MTA3: variants seen among roughly 807,000 people sequenced by gnomAD.
MTA3 encodes the protein metastasis associated 1 family member 3, also known as metastasis-associated protein MTA3.
In MTA3, 34 loss-of-function variants were observed where a neutral mutation model predicts 83.5. That is an observed-to-expected ratio of 0.41 (90% CI 0.31 to 0.54). MTA3 has a LOEUF of 0.54. Ranked by LOEUF, MTA3 falls within the 20% of genes least tolerant of loss-of-function variation. The pLI is 0.33. For missense variants in MTA3, 761 were observed against 726.4 expected, an observed-to-expected ratio of 1.05 and a Z score of -0.55; for synonymous variants, 303 against 252.7, an observed-to-expected ratio of 1.20 and a Z score of -1.89.
intron 4 of MTA3, chr2:42,613,826 A>G (rs1330194220): frequency 6.6e-6 from 1 of 152,148 alleles, no homozygotes; most frequent in African/African-American, 2.4e-5. Context: ...AGGACCCAGG[A>G]CTTTTCGGAG....
intron 2 of MTA3, among the ~76,000 whole-genome samples, chr2:42,501,229 G>A (rs1674381694): frequency 6.6e-6 from 1 of 152,300 alleles, no homozygotes; most frequent in East Asian, 1.9e-4. Flanking sequence ...GAAACTAACA[G>A]AAGGTAAGTG....
chr2:42,696,057 G>C (rs1441553700), intron 10 of MTA3, among the ~76,000 whole-genome samples: 1 of 152,056 alleles, frequency 6.6e-6, no homozygotes, highest in African/African-American at 2.4e-5. Flanking sequence ...ATTTTGGAGA[G>C]ATACCACTAG....
intron 2 of MTA3, among the ~76,000 whole-genome samples, chr2:42,501,744 G>A (rs1258872522): frequency 6.6e-6 from 1 of 152,128 alleles, no homozygotes; most frequent in Admixed American, 6.5e-5. Flanking sequence ...TTGGGAGGCC[G>A]AGGCGTGTGG....
In MTA3 at chr2:42,695,843, A is replaced by AT; in HGVS notation, c.966+11dup. ...TACTGACAGATATGTGCAACAGGTA[A>AT]TTTTTTTCATATTGCTACCAATATG... On this transcript the variant is annotated splice_donor_region_variant and intron_variant, in intron 10 of 16. Coordinates refer to ENST00000405094, the MANE Select transcript of MTA3 (RefSeq NM_001330442.2). 1.9e-6 allele frequency: 3 copies of AT among 1,545,120 alleles called. No individual in the cohort carries two copies. The highest frequency in any genetic ancestry group is 2.6e-6 in the Non-Finnish European group (3 of 1,136,264).
chr2:42,656,948 A>G (rs976620146), intron 7 of MTA3, among the ~76,000 whole-genome samples: 2 of 152,216 alleles, frequency 1.3e-5, no homozygotes, highest in Non-Finnish European at 2.9e-5. Flanking sequence ...AACATCACAA[A>G]TAGTGTTGAG....
intron 4 of MTA3, among the ~76,000 whole-genome samples, chr2:42,612,538 C>T (rs569322027): frequency 7.0e-4 from 107 of 151,882 alleles, no homozygotes; most frequent in Non-Finnish European, 2.8e-4. Context: ...TTGGAAGACA[C>T]TAGAATATAA....
At chr2:42,742,419 G>A (rs983112164) in intron 16 of MTA3, among the ~76,000 whole-genome samples, 7 of 152,088 alleles carry the variant, frequency 4.6e-5, no homozygotes, top group African/African-American at 1.7e-4. Flanking sequence ...GTTTACAGGC[G>A]TGAGTCACTG....
intron 4 of MTA3, among the ~76,000 whole-genome samples, chr2:42,614,521 C>T (rs1416913310): frequency 1.3e-5 from 2 of 152,220 alleles, no homozygotes; most frequent in Non-Finnish European, 2.9e-5. Flanking sequence ...AGATGGGCAA[C>T]ACAACTCCTC....
intron 16 of MTA3, among the ~76,000 whole-genome samples, chr2:42,744,009 TC>T (rs1259001354): frequency 6.6e-6 from 1 of 152,242 alleles, no homozygotes; most frequent in African/African-American, 2.4e-5. Flanking sequence ...ACCTCTGCTC[TC>T]CTTGTCTCAA....
At chr2:42,583,687 C>T (rs1679930887) in intron 3 of MTA3, among the ~76,000 whole-genome samples, 1 of 152,042 alleles carries the variant, frequency 6.6e-6, no homozygotes, top group Non-Finnish European at 1.5e-5. Flanking sequence ...TGCCACCATG[C>T]CTGGCTAATT....
intron 14 of MTA3, among the ~76,000 whole-genome samples, chr2:42,718,438 G>T (rs557062960): frequency 1.3e-5 from 2 of 151,584 alleles, no homozygotes; most frequent in Non-Finnish European, 2.9e-5. Context: ...TAGAGATGGG[G>T]TTTCTCCATG....
intron 14 of MTA3, among the ~76,000 whole-genome samples, chr2:42,717,633 G>A (rs1401098863): frequency 1.3e-5 from 2 of 152,192 alleles, no homozygotes; most frequent in Non-Finnish European, 1.5e-5. Context: ...TGTTCTGACT[G>A]TTGGATGAAA....
chr2:42,565,186 T>C (rs1677855721), upstream of MTA3, among the ~76,000 whole-genome samples: 1 of 152,074 alleles, frequency 6.6e-6, no homozygotes, highest in African/African-American at 2.4e-5. Context: ...TTCTTTTTTT[T>C]CTTTTGTTTA....
chr2:42,709,332 C>T lies in MTA3; in HGVS notation c.1525+236C>T, dbSNP rs547574005. On this transcript the variant is annotated intron_variant, in intron 14 of 16. Transcript: ENST00000405094. The stretch of plus-strand genomic sequence containing the variant: ...CTGTACTCTTTACCAGAGAGTAGTG[C>T]TTAGCAAAAGATTGGTGGGAGGTGA... 4.8e-5 allele frequency: 63 copies of T among 1,319,636 alleles called. No individual in the cohort carries two copies. The African/African-American group carries it at 9.3e-4, about 20-fold the overall frequency. 81.7% of individuals were successfully genotyped at this position (1,319,636 alleles called of 1,614,324 possible). A position where few individuals can be genotyped will look rare whatever the true frequency, so the allele number is the denominator to read the frequency against.
At position 42,609,474 on chromosome 2, in the gene MTA3, A is replaced by T. The variant is rs201096010; in HGVS notation, c.207A>T (p.Glu69Asp). The T allele has an allele frequency of 4.2e-5, 68 of 1,613,858 alleles. No homozygotes were observed. The South Asian group carries it at 7.1e-4, about 17-fold the overall frequency. The change falls in exon 4 of 17, where the codon GAA becomes GAT. Residue 69 changes from glutamate (E) to aspartate (D), a missense_variant. Glu to Asp is a conservative substitution (Grantham distance 45). Transcript: ENST00000405094. Reference protein sequence around the residue: ...ADKHAKEIEEESETTVEADLT... With the variant: ...ADKHAKEIEEDSETTVEADLT... ...TTTGTGTAGAAGAAATTGAGGAAGAATCTGAAACAACAGTTGAGGCTGACT... is the reference window on the plus strand; with the variant it reads ...TTTGTGTAGAAGAAATTGAGGAAGATTCTGAAACAACAGTTGAGGCTGACT...
At chr2:42,746,862 C>T (rs547448342) in intron 16 of MTA3, among the ~76,000 whole-genome samples, 8 of 152,326 alleles carry the variant, frequency 5.3e-5, no homozygotes, top group South Asian at 2.1e-4. Flanking sequence ...AAACTCTGCC[C>T]GCTTGGGCCT....
chr2:42,607,333 T>C (rs967698587), intron 3 of MTA3, among the ~76,000 whole-genome samples: 1 of 152,178 alleles, frequency 6.6e-6, no homozygotes, highest in Non-Finnish European at 1.5e-5. Flanking sequence ...TGGAGATTGG[T>C]GAGAGTCTCA....
At chr2:42,508,121 A>G (rs1674722345) in intron 2 of MTA3, among the ~76,000 whole-genome samples, 1 of 152,082 alleles carries the variant, frequency 6.6e-6, no homozygotes, top group Admixed American at 6.6e-5. Context: ...GCACGAACAC[A>G]TTGTCCCAGA....
chr2:42,570,620 G>C, intron 2 of MTA3, 116 bp downstream of exon 2: 1 of 513,022 alleles, frequency 1.9e-6, no homozygotes, highest in Non-Finnish European at 3.3e-6. Context: ...AGTAAATTGG[G>C]AGGCCTGGCG....
Sources: gnomAD v4.1 joint callset for allele counts (sites outside exome capture counted in the v4.1 genomes callset) on GRCh38, gnomAD v4.1.1 for gene constraint, MANE v1.5 for transcripts, NCBI Gene and HGNC (gene_info 2026-07-23, HGNC 2026-07-21) for gene names.